Variants in UPP1 observed in about 807,000 individuals in gnomAD.
UPP1 encodes the protein UPase 1.
UPP1 carries 25 observed loss-of-function variants against 29.6 expected under a neutral mutation model. The ratio of observed to expected loss-of-function variants is 0.85; its 90% CI spans 0.62 to 1.18. The LOEUF (loss-of-function observed/expected upper bound fraction) is 1.18, where lower values mean the gene tolerates loss of function less well. Among genes scored for constraint, UPP1 ranks in the 50% most tolerant of loss-of-function variants. UPP1 has a pLI of 0.00. For synonymous variants in UPP1, 165 were observed against 159.8 expected, an observed-to-expected ratio of 1.03 and a Z score of -0.25; for missense variants, 368 against 410.4, an observed-to-expected ratio of 0.90 and a Z score of 0.89.
chr7:48,106,970 G>A lies in UPP1; in HGVS notation c.534G>A (p.Arg178=). 6.2e-7 allele frequency: 1 copy of A among 1,613,378 alleles called. No homozygotes were observed. The highest frequency in any genetic ancestry group is 1.3e-5 in the African/African-American group (1 of 75,034). The change falls in exon 7 of 9, where the codon CGG becomes CGA. Residue 178 remains arginine, a synonymous_variant. Transcript: ENST00000395564. ...EQIVLGKRVI[R]KTDLNKKLVQ... is the part of the protein sequence containing the mutation. Reference sequence around the variant, plus strand: ...TTGTCCTGGGGAAGCGGGTCATCCGGAAAACGGACCTTAACAAGAAGCTGG... The same window carrying A: ...TTGTCCTGGGGAAGCGGGTCATCCGAAAAACGGACCTTAACAAGAAGCTGG...
chr7:48,104,091 G>A (rs1792594231), intron 6 of UPP1: 3 of 329,248 alleles, frequency 9.1e-6, no homozygotes, highest in African/African-American at 2.2e-5. Context: ...GGTGGTGCAC[G>A]TCTGTAGTCC....
chr7:48,096,776 T>C (rs1356528634), intron 3 of UPP1, among the ~76,000 whole-genome samples: 2 of 152,216 alleles, frequency 1.3e-5, no homozygotes, highest in Admixed American at 1.3e-4. Flanking sequence ...CTCAGCTCAC[T>C]GCAACCTCTG....
chr7:48,088,847 C>T (rs1367470423), upstream of UPP1: 1 of 152,384 alleles, frequency 6.6e-6, no homozygotes, highest in Admixed American at 6.5e-5. Flanking sequence ...GGGGATCCTG[C>T]CTGGCGGCGT....
At position 48,103,336 on chromosome 7, in the gene UPP1, G is replaced by A; in HGVS notation, c.361G>A (p.Glu121Lys). ...GIPSISIMLH[E>K]LIKLLYYARC... The stretch of plus-strand genomic sequence containing the variant: ...TCCTTCTATCTCAATCATGTTGCAT[G>A]AGCTCATAAAGCTGCTGTACTATGC... Residue 121 changes from glutamate (E) to lysine (K), a missense_variant, in exon 6 of 9, where the codon GAG becomes AAG. Physicochemically the swap from Glu to Lys is moderately conservative, Grantham distance 56 (BLOSUM62 1). Coordinates refer to ENST00000395564, the MANE Select transcript of UPP1 (RefSeq NM_003364.4). The A allele has an allele frequency of 1.9e-6, 3 of 1,613,998 alleles. No homozygotes were observed. Among genetic ancestry groups the A allele is most frequent in the Non-Finnish European group, 2.5e-6 (3 of 1,179,920 alleles).
chr7:48,101,969 T>C lies in UPP1; in HGVS notation c.308T>C (p.Val103Ala). Residue 103 changes from valine to alanine, a missense_variant, in exon 5 of 9, where the codon GTG becomes GCG. Physicochemically the swap from Val to Ala is moderately conservative, Grantham distance 64. Transcript: ENST00000395564. ...DRYAMYKVGP[V>A]LSVSHGMGIP... ...TATGCCATGTATAAAGTAGGACCGG[T>C]GCTGTCTGTCAGTGTGAGTACCTGC... 1 of 1,613,744 alleles carries C rather than the reference T, an allele frequency of 6.2e-7. No individual in the cohort carries two copies. Among genetic ancestry groups the C allele is most frequent in the Non-Finnish European group, 8.5e-7 (1 of 1,179,808 alleles).
In UPP1 at chr7:48,108,205, T is replaced by G; in HGVS notation, c.794-13T>G. 6.2e-7 allele frequency: 1 copy of G among 1,611,044 alleles called. No individual in the cohort carries two copies. Among genetic ancestry groups the G allele is most frequent in the African/African-American group, 1.3e-5 (1 of 74,972 alleles). ...CCGGCACCTTGCCTTGATGTGGTCTTTGTCCTTTGCAGCGGCCGTGGTGTG... is the reference window on the plus strand; with the variant it reads ...CCGGCACCTTGCCTTGATGTGGTCTGTGTCCTTTGCAGCGGCCGTGGTGTG... On this transcript the variant is annotated splice_polypyrimidine_tract_variant and intron_variant, in intron 8 of 8. Coordinates refer to ENST00000395564, the MANE Select transcript of UPP1 (RefSeq NM_003364.4).
At chr7:48,100,352 T>A (rs1792356615) in intron 4 of UPP1, among the ~76,000 whole-genome samples, 1 of 152,236 alleles carries the variant, frequency 6.6e-6, no homozygotes, top group South Asian at 2.1e-4. Flanking sequence ...ACATGGGGCA[T>A]GACTATGCAT....
intron 3 of UPP1, among the ~76,000 whole-genome samples, chr7:48,098,119 C>T (rs1007535215): frequency 2.6e-5 from 4 of 152,186 alleles, no homozygotes; most frequent in Admixed American, 6.5e-5. Flanking sequence ...GAGACAGTCA[C>T]CTAGCCCCCT....
intron 8 of UPP1, 76 bp from the exon 9 acceptor site, chr7:48,108,142 G>T: frequency 6.4e-7 from 1 of 1,560,704 alleles, no homozygotes; most frequent in Non-Finnish European, 8.7e-7. Flanking sequence ...CTCAGAGCTC[G>T]TGGGTTCTTC....
At chr7:48,104,884 A>T (rs1792644227) in intron 6 of UPP1, 1 of 151,562 alleles carries the variant, frequency 6.6e-6, no homozygotes, top group Admixed American at 6.6e-5. Context: ...AACAATGATC[A>T]GATAATTCTG....
rs1792536284 is a variant in UPP1, at chr7:48,103,317, TATC to T, written c.343_345del (p.Ile115del). ...TCCAGCATGGTATGGGCATTCCTTC[TATC>T]TCAATCATGTTGCATGAGCTCATAA... is the stretch of plus-strand genomic sequence containing the variant. On this transcript the variant is annotated inframe_deletion, in exon 6 of 9. Coordinates refer to ENST00000395564, the MANE Select transcript of UPP1 (RefSeq NM_003364.4). 1 of 1,613,878 alleles carries T rather than the reference TATC, an allele frequency of 6.2e-7. No homozygotes were observed. The highest frequency in any genetic ancestry group is 8.5e-7 in the Non-Finnish European group (1 of 1,179,852).
chr7:48,107,262 T>C, intron 7 of UPP1, 99 bp from the exon 8 acceptor site: 1 of 1,488,400 alleles, frequency 6.7e-7, no homozygotes, highest in Non-Finnish European at 9.2e-7. Context: ...CCTGGATGGG[T>C]CTTGCTTGTC....
intron 1 of UPP1, among the ~76,000 whole-genome samples, chr7:48,089,805 G>C (rs1278549356): frequency 6.6e-6 from 1 of 152,176 alleles, no homozygotes; most frequent in African/African-American, 2.4e-5. Context: ...CCCGCAGGGC[G>C]CAGGCGGGCG....
chr7:48,102,785 A>G (rs1250130002), intron 5 of UPP1, among the ~76,000 whole-genome samples: 1 of 152,108 alleles, frequency 6.6e-6, no homozygotes, highest in Non-Finnish European at 1.5e-5. Context: ...AGAGCAGGAG[A>G]AGGAGGTATG....
At chr7:48,104,366 C>T (rs1792611076) in intron 6 of UPP1, among the ~76,000 whole-genome samples, 2 of 152,174 alleles carry the variant, frequency 1.3e-5, no homozygotes, top group Admixed American at 6.5e-5. Context: ...TGGTCTTGCT[C>T]TCTGGGGTTC....
At chr7:48,094,955 A>G in intron 3 of UPP1, 128 bp downstream of exon 3, 1 of 1,141,316 alleles carries the variant, frequency 8.8e-7, no homozygotes, top group Admixed American at 2.2e-5. Flanking sequence ...AAAGAGACTG[A>G]GGCCTGGAGG....
intron 5 of UPP1, among the ~76,000 whole-genome samples, chr7:48,103,046 G>GC (rs1643974481): frequency 6.6e-6 from 1 of 152,186 alleles, no homozygotes; most frequent in Admixed American, 6.5e-5. Context: ...TCCCTGCTGA[G>GC]CCCCTGGGTC....
At chr7:48,103,921 A>G (rs2128815540) in intron 6 of UPP1, 2 of 1,273,676 alleles carry the variant, frequency 1.6e-6, no homozygotes, top group Non-Finnish European at 2.0e-6. Flanking sequence ...TTTTTTGTTT[A>G]AAAAACAAAG....
At chr7:48,106,378 T>G (rs990645797) in intron 6 of UPP1, 1 of 162,392 alleles carries the variant, frequency 6.2e-6, no homozygotes, top group Non-Finnish European at 1.4e-5. Context: ...TGGCGTGATC[T>G]TGGCTCACTG....
Sources: gnomAD v4.1 joint callset for allele counts (sites outside exome capture counted in the v4.1 genomes callset) on GRCh38, gnomAD v4.1.1 for gene constraint, MANE v1.5 for transcripts, NCBI Gene and HGNC (gene_info 2026-07-23, HGNC 2026-07-21) for gene names.